The following ERBB4 variants were observed in gnomAD, a reference collection of about 807,000 sequenced individuals.
ERBB4 encodes the protein receptor tyrosine-protein kinase erbB-4.
A neutral mutation model predicts 158.0 loss-of-function variants in ERBB4; 42 were observed. The observed-to-expected ratio is 0.27, with a 90% CI of 0.21 to 0.34. The LOEUF is 0.34. Among genes scored for constraint, ERBB4 ranks in the 10% least tolerant of loss-of-function variants. The pLI is 1.00. For missense variants in ERBB4, 1,333 were observed against 1,624.1 expected, an observed-to-expected ratio of 0.82 and a Z score of 3.08; for synonymous variants, 583 against 558.7, an observed-to-expected ratio of 1.04 and a Z score of -0.61.
intron 1 of ERBB4, among the ~76,000 whole-genome samples, chr2:212,510,224 T>TAC (rs1457253561): frequency 6.8e-6 from 1 of 146,046 alleles, no homozygotes; most frequent in Non-Finnish European, 1.5e-5. Flanking sequence ...TATATATATA[T>TAC]ATATATATAA....
At chr2:211,689,107 C>T (rs763904556) in intron 12 of ERBB4, among the ~76,000 whole-genome samples, 204 of 152,204 alleles carry the variant, frequency 1.3e-3, no homozygotes, top group Non-Finnish European at 4.9e-4. Context: ...TAATTTTGAA[C>T]CAATAGCAAT....
chr2:211,878,077 C>T (rs1003686579), intron 3 of ERBB4, among the ~76,000 whole-genome samples: 3 of 152,168 alleles, frequency 2.0e-5, no homozygotes, highest in African/African-American at 4.8e-5. Flanking sequence ...CACTGCCCTC[C>T]GGCCTGAGGA....
At chr2:211,773,629 T>TATATATATA (rs1553630471) in intron 4 of ERBB4, among the ~76,000 whole-genome samples, 8 of 51,078 alleles carry the variant, frequency 1.6e-4, no homozygotes, top group Non-Finnish European at 3.2e-4. Flanking sequence ...TATATATATA[T>TATATATATA]ATATATATAT....
chr2:211,493,678 T>C (rs570716724), intron 20 of ERBB4, among the ~76,000 whole-genome samples: 15 of 152,176 alleles, frequency 9.9e-5, no homozygotes, highest in Admixed American at 8.5e-4. Flanking sequence ...TTGAAATATA[T>C]ATTTTTTCTT....
At position 211,970,324 on chromosome 2, in the gene ERBB4, T is replaced by G. The variant is rs2081416788; in HGVS notation, c.235-22708A>C. ...TTTGATTGTGTAATCAATTTTAGAG[T>G]AATTGCCATGTGGCAATGAGAAGAA... On this transcript the variant is annotated intron_variant, in intron 2 of 27. Transcript: ENST00000342788. Among the ~76,000 whole-genome samples the G allele has an allele frequency of 2.0e-5, 3 of 152,180 alleles. No individual in the cohort carries two copies. In the South Asian group the frequency reaches 6.2e-4, roughly 31 times the overall value.
intron 1 of ERBB4, among the ~76,000 whole-genome samples, chr2:212,312,570 A>G (rs2087097931): frequency 6.6e-6 from 1 of 151,084 alleles, no homozygotes; most frequent in Non-Finnish European, 1.5e-5. Flanking sequence ...TTAAAAAGCA[A>G]ACATTCTAAT....
At chr2:212,240,565 G>A (rs570713635) in intron 1 of ERBB4, among the ~76,000 whole-genome samples, 7 of 145,536 alleles carry the variant, frequency 4.8e-5, no homozygotes, top group Admixed American at 2.1e-4. Flanking sequence ...CCCGGGAGGC[G>A]GAGGTTGCAG....
chr2:212,456,417 T>G lies in ERBB4; in HGVS notation c.82+82032A>C, dbSNP rs531428182. ...TGATGGGATAAATAGAGTACAAGAT[T>G]AAGTGACAAGTAGAAGAAATAGAAA... is the stretch of plus-strand genomic sequence containing the variant. On this transcript the variant is annotated intron_variant, in intron 1 of 27. Coordinates refer to ENST00000342788, the MANE Select transcript of ERBB4 (RefSeq NM_005235.3). Among the ~76,000 whole-genome samples the G allele has an allele frequency of 1.1e-3, 166 of 152,098 alleles. 1 individual carries two copies. Among genetic ancestry groups the G allele is most frequent in the African/African-American group, 3.8e-3 (157 of 41,548 alleles).
intron 20 of ERBB4, among the ~76,000 whole-genome samples, chr2:211,479,723 T>C (rs879826813): frequency 1.3e-5 from 2 of 152,134 alleles, no homozygotes; most frequent in Admixed American, 1.3e-4. Flanking sequence ...TGCCAATGAA[T>C]CTGGGACTAC....
At chr2:212,455,222 T>C (rs561460606) in intron 1 of ERBB4, among the ~76,000 whole-genome samples, 13 of 152,196 alleles carry the variant, frequency 8.5e-5, no homozygotes, top group Non-Finnish European at 1.5e-4. Flanking sequence ...TCCAACAACC[T>C]GATCACCTTC....
intron 1 of ERBB4, among the ~76,000 whole-genome samples, chr2:212,222,958 A>G (rs188216797): frequency 2.5e-4 from 38 of 151,606 alleles, no homozygotes; most frequent in South Asian, 1.2e-3. Context: ...TTAAAGATGC[A>G]TATGCTTTTG....
chr2:211,799,128 C>A (rs965624809), intron 3 of ERBB4, among the ~76,000 whole-genome samples: 1 of 152,132 alleles, frequency 6.6e-6, no homozygotes, highest in African/African-American at 2.4e-5. Context: ...AAGTCTTGTA[C>A]AAGAGAGCTG....
intron 5 of ERBB4, among the ~76,000 whole-genome samples, chr2:211,732,522 G>A (rs149648584): frequency 1.5e-3 from 221 of 152,062 alleles, no homozygotes; most frequent in African/African-American, 5.0e-3. Flanking sequence ...TAAATAAACC[G>A]ACCAGGCCAT....
At chr2:211,840,491 G>T (rs2077446938) in intron 3 of ERBB4, among the ~76,000 whole-genome samples, 1 of 152,044 alleles carries the variant, frequency 6.6e-6, no homozygotes. Flanking sequence ...CCATGGATGG[G>T]CCTGCTTAAG....
intron 20 of ERBB4, among the ~76,000 whole-genome samples, chr2:211,547,567 A>G (rs1337630646): frequency 6.6e-6 from 1 of 152,074 alleles, no homozygotes; most frequent in East Asian, 1.9e-4. Context: ...AACAAAAGCC[A>G]TAGGGGAGCA....
At chr2:211,449,633 T>C (rs1179045625) in intron 20 of ERBB4, among the ~76,000 whole-genome samples, 2 of 152,212 alleles carry the variant, frequency 1.3e-5, no homozygotes, top group Admixed American at 6.5e-5. Context: ...GTATCATGTA[T>C]TATAGCCCAT....
intron 20 of ERBB4, among the ~76,000 whole-genome samples, chr2:211,470,342 C>T (rs2064801393): frequency 2.0e-5 from 3 of 152,078 alleles, no homozygotes; most frequent in Admixed American, 2.0e-4. Context: ...CCCAGACTGA[C>T]TCCTCTTTGG....
At chr2:211,826,291 G>A (rs1236095301) in intron 3 of ERBB4, among the ~76,000 whole-genome samples, 2 of 151,614 alleles carry the variant, frequency 1.3e-5, no homozygotes, top group East Asian at 3.9e-4. Flanking sequence ...CTATATTTCA[G>A]GCACTGTGTT....
At chr2:212,383,353 T>C (rs1272485460) in intron 1 of ERBB4, among the ~76,000 whole-genome samples, 1 of 151,560 alleles carries the variant, frequency 6.6e-6, no homozygotes, top group Non-Finnish European at 1.5e-5. Context: ...ACTTCTTTCC[T>C]ATTTCTTAGA....
Sources: allele counts gnomAD v4.1 joint callset (sites outside exome capture counted in the v4.1 genomes callset), GRCh38; gene constraint gnomAD v4.1.1; transcripts MANE v1.5; gene names NCBI Gene and HGNC (gene_info 2026-07-23, HGNC 2026-07-21).